SLC66A3: variants seen among roughly 807,000 people sequenced by gnomAD.
The protein encoded by SLC66A3 is solute carrier family 66 member 3.
SLC66A3 carries 23 observed loss-of-function variants against 25.5 expected under a neutral mutation model. The observed-to-expected ratio is 0.90, with a 90% confidence interval of 0.65 to 1.28. The LOEUF (loss-of-function observed/expected upper bound fraction) is 1.28. SLC66A3 is among the 50% of genes most tolerant of loss of function. The pLI is 0.00. For missense variants in SLC66A3, 246 were observed against 262.1 expected, an observed-to-expected ratio of 0.94 and a Z score of 0.42; for synonymous variants, 108 against 112.6, an observed-to-expected ratio of 0.96 and a Z score of 0.26.
intron 4 of SLC66A3, 84 bp downstream of exon 4, chr2:11,164,345 A>ATTTT (rs541806283): frequency 0.029 from 2,698 of 92,800 alleles, 120 homozygotes; most frequent in Middle Eastern, 0.066. Flanking sequence ...ATATATATAT[A>ATTTT]TTTTTTTTTT....
rs771678334 is a variant in SLC66A3, at chr2:11,178,038, T to C, written c.*210T>C. The C allele has an allele frequency of 1.4e-4, 71 of 520,720 alleles. No individual in the cohort carries two copies. Among genetic ancestry groups the C allele is most frequent in the Middle Eastern group, 5.1e-4 (1 of 1,964 alleles). 32.3% of individuals were successfully genotyped at this position (520,720 alleles called of 1,614,324 possible). ...CCTCCTTCCTCACTTCGTTAGGTTA[T>C]GGTAGTGCTCAGACATCTGCAGTGT... On this transcript the variant is annotated 3_prime_UTR_variant, in exon 7 of 7. Transcript: ENST00000295083.
Position 11,174,236 on chromosome 2 carries a change from G to A in SLC66A3, c.476-732G>A, listed in dbSNP as rs139425519. Reference sequence around the variant, plus strand: ...CTCCCGAAATGCTGGGATTACAGGCGTGAGCCACTGTGCCTGGCCAAAACA... The same window carrying A: ...CTCCCGAAATGCTGGGATTACAGGCATGAGCCACTGTGCCTGGCCAAAACA... On this transcript the variant is annotated intron_variant, in intron 5 of 6. Transcript: ENST00000295083. 3.8e-3 allele frequency among the ~76,000 whole-genome samples: 584 copies of A among 152,274 alleles called. 8 individuals carry two copies. Among genetic ancestry groups the A allele is most frequent in the African/African-American group, 0.013 (549 of 41,560 alleles).
intron 3 of SLC66A3, among the ~76,000 whole-genome samples, chr2:11,162,351 G>C (rs1038635398): frequency 6.6e-6 from 1 of 152,178 alleles, no homozygotes; most frequent in African/African-American, 2.4e-5. Context: ...GCTGGTTAAA[G>C]GTTTTGGTAA....
chr2:11,172,750 G>C, intron 5 of SLC66A3: 1 of 434,430 alleles, frequency 2.3e-6, no homozygotes, highest in Non-Finnish European at 4.7e-6. Context: ...TCCTTTGACA[G>C]GGTCTCGCTC....
chr2:11,160,920 G>T (rs556258348), intron 3 of SLC66A3: 4 of 660,270 alleles, frequency 6.1e-6, no homozygotes, highest in African/African-American at 5.5e-5. Flanking sequence ...CCAGCAGGCC[G>T]AGTGGAAGGC....
intron 4 of SLC66A3, 110 bp from the exon 5 acceptor site, chr2:11,171,815 G>T: frequency 1.8e-6 from 2 of 1,089,790 alleles, no homozygotes; most frequent in Non-Finnish European, 2.7e-6. Flanking sequence ...TGATCTGCCT[G>T]CCTCGGCCTC....
intron 3 of SLC66A3, among the ~76,000 whole-genome samples, chr2:11,163,796 A>AT (rs1662208612): frequency 6.6e-6 from 1 of 152,248 alleles, no homozygotes; most frequent in Admixed American, 6.5e-5. Flanking sequence ...GTCAGTAAAC[A>AT]GAAATTCACA....
chr2:11,164,103 C>CTT (rs1662219880), intron 3 of SLC66A3, 101 bp from the exon 4 acceptor site: 1 of 690,362 alleles, frequency 1.4e-6, no homozygotes, highest in Non-Finnish European at 2.5e-6. Context: ...ACCCACCTGG[C>CTT]TTCTGCGTGC....
intron 5 of SLC66A3, 110 bp from the exon 6 acceptor site, chr2:11,174,858 A>T (rs532820176): frequency 1.2e-4 from 69 of 599,012 alleles, no homozygotes; most frequent in Admixed American, 2.9e-4. Context: ...AAAATAATTT[A>T]AAAATAATGG....
intron 6 of SLC66A3, 46 bp from the exon 7 acceptor site, chr2:11,177,691 C>CTGTAT (rs1466781732): frequency 1.0e-5 from 13 of 1,252,210 alleles, no homozygotes; most frequent in Middle Eastern, 3.8e-4. Context: ...TGGTTTTGGT[C>CTGTAT]TGTATTGTAA....
rs1186098636 is a variant in SLC66A3 at position 11,169,837 on chromosome 2, C to CTTTTTTTTTTTTTTTTTTT, written c.355-2086_355-2068dup. 2.2e-5 allele frequency among the ~76,000 whole-genome samples: 2 copies of CTTTTTTTTTTTTTTTTTTT among 89,046 alleles called. 1 individual carries two copies. 58.4% of individuals were successfully genotyped at this position (89,046 alleles called of 152,430 possible). On this transcript the variant is annotated intron_variant, in intron 4 of 6. Transcript: ENST00000295083. The stretch of plus-strand genomic sequence containing the variant: ...GATTAGAATCACCCTGGATTTCTCT[C>CTTTTTTTTTTTTTTTTTTT]TTTTTTTTTTTTTTTTTTTTGAGAC...
chr2:11,168,381 T>C (rs924343331), intron 4 of SLC66A3, among the ~76,000 whole-genome samples: 1 of 152,132 alleles, frequency 6.6e-6, no homozygotes, highest in Admixed American at 6.5e-5. Context: ...TAGTCTCCAA[T>C]TGAATTAATG....
At chr2:11,158,543 T>C (rs1229937537) in intron 1 of SLC66A3, among the ~76,000 whole-genome samples, 5 of 152,208 alleles carry the variant, frequency 3.3e-5, no homozygotes, top group Admixed American at 2.0e-4. Context: ...GCGCCTGTAG[T>C]CCCAGCTACT....
intron 1 of SLC66A3, among the ~76,000 whole-genome samples, chr2:11,157,401 C>T (rs1378650298): frequency 6.6e-6 from 1 of 152,228 alleles, no homozygotes; most frequent in African/African-American, 2.4e-5. Flanking sequence ...AGGGCCAGGG[C>T]CAGGCACACA....
intron 3 of SLC66A3, among the ~76,000 whole-genome samples, chr2:11,161,786 G>C (rs1301077672): frequency 1.3e-5 from 2 of 152,364 alleles, no homozygotes; most frequent in East Asian, 3.9e-4. Context: ...TTTCCAAAGT[G>C]CTGGGATTAC....
chr2:11,176,103 C>T (rs1382198652), intron 6 of SLC66A3, among the ~76,000 whole-genome samples: 1 of 152,216 alleles, frequency 6.6e-6, no homozygotes, highest in Non-Finnish European at 1.5e-5. Flanking sequence ...CACAAGTAAA[C>T]AGCAAAACCT....
chr2:11,155,532 C>T lies in SLC66A3; in HGVS notation c.-15C>T. ...TTCTCGCTGCGGCCGCCCAGGTGCCCGCGCCCGTGGCGCTATGGAGGCGGC... is the reference window on the plus strand; with the variant it reads ...TTCTCGCTGCGGCCGCCCAGGTGCCTGCGCCCGTGGCGCTATGGAGGCGGC... On this transcript the variant is annotated 5_prime_UTR_variant, in exon 1 of 7. Transcript: ENST00000295083. 1 of 1,487,802 alleles carries T rather than the reference C, an allele frequency of 6.7e-7. No individual in the cohort carries two copies. The highest frequency in any genetic ancestry group is 8.9e-7 in the Non-Finnish European group (1 of 1,127,324). The allele number at this position is 1,487,802 out of a possible 1,614,324, so 92.2% of individuals were successfully genotyped here.
intron 5 of SLC66A3, among the ~76,000 whole-genome samples, chr2:11,174,625 T>TA (rs140316069): frequency 0.025 from 3,823 of 151,782 alleles, 69 homozygotes; most frequent in East Asian, 0.055. Flanking sequence ...GCCTCCTGAG[T>TA]AGCTGGGATT....
chr2:11,164,737 T>C (rs370445515), intron 4 of SLC66A3, among the ~76,000 whole-genome samples: 12,126 of 150,290 alleles, frequency 0.081, 711 homozygotes, highest in African/African-American at 0.17. Flanking sequence ...GTGGTGATGA[T>C]TCTTAACGAG....
Sources: gnomAD v4.1 joint callset for allele counts (sites outside exome capture counted in the v4.1 genomes callset) on GRCh38, gnomAD v4.1.1 for gene constraint, MANE v1.5 for transcripts, NCBI Gene and HGNC (gene_info 2026-07-23, HGNC 2026-07-21) for gene names.